SRRM4: variants seen among roughly 807,000 people sequenced by gnomAD.
SRRM4 encodes serine/arginine repetitive matrix protein 4.
A neutral mutation model predicts 68.9 loss-of-function variants in SRRM4; 33 were observed. That is an observed-to-expected ratio of 0.48 (90% CI 0.36 to 0.64). The LOEUF is 0.64. SRRM4 is among the 30% of genes least tolerant of loss of function. SRRM4 has a pLI of 0.00. For missense variants in SRRM4, 817 were observed against 827.1 expected (o/e 0.99, Z 0.15); for synonymous variants, 318 against 318.8 (o/e 1.00, Z 0.03).
intron 7 of SRRM4, among the ~76,000 whole-genome samples, chr12:119,127,099 A>T (rs1178618403): frequency 1.3e-5 from 2 of 148,808 alleles, no homozygotes; most frequent in African/African-American, 2.5e-5. Flanking sequence ...TGGGAGATAT[A>T]CCTAATGCTA....
chr12:119,114,473 G>A, intron 3 of SRRM4, 109 bp downstream of exon 3: 2 of 788,262 alleles, frequency 2.5e-6, no homozygotes, highest in Non-Finnish European at 4.2e-6. Flanking sequence ...CCTCTCTGAT[G>A]CTTAACTAGC....
chr12:119,118,951 A>G (rs535195833), intron 4 of SRRM4, among the ~76,000 whole-genome samples: 114 of 152,044 alleles, frequency 7.5e-4, no homozygotes, highest in African/African-American at 2.5e-3. Flanking sequence ...CCCGAGCACC[A>G]TCCTACTCCT....
chr12:119,122,162 G>A, intron 6 of SRRM4, 42 bp downstream of exon 6: 2 of 1,398,282 alleles, frequency 1.4e-6, no homozygotes, highest in Non-Finnish European at 1.0e-6. Context: ...AGTTTGAGGA[G>A]TTGGGGCATC....
chr12:119,015,022 A>C (rs934247497), intron 1 of SRRM4, among the ~76,000 whole-genome samples: 10 of 152,202 alleles, frequency 6.6e-5, no homozygotes, highest in African/African-American at 2.4e-4. Flanking sequence ...GGAATTAATA[A>C]ATACTCGATT....
chr12:119,043,282 C>A (rs578099275), intron 1 of SRRM4, among the ~76,000 whole-genome samples: 1 of 152,090 alleles, frequency 6.6e-6, no homozygotes, highest in Non-Finnish European at 1.5e-5. Flanking sequence ...AGCAAACTCA[C>A]GCAAGAACAG....
intron 1 of SRRM4, among the ~76,000 whole-genome samples, chr12:119,026,321 CA>C (rs768806188): frequency 3.3e-5 from 5 of 151,906 alleles, no homozygotes; most frequent in South Asian, 4.1e-4. Flanking sequence ...GACAGGATCA[CA>C]TAGAGAAATG....
At chr12:119,137,594 GAGAGAGAGAGA>G (rs1954337953) in intron 8 of SRRM4, among the ~76,000 whole-genome samples, 11 of 10,758 alleles carry the variant, frequency 1.0e-3, no homozygotes, top group Non-Finnish European at 3.5e-4. Flanking sequence ...AGTGGAGAGA[GAGAGAGAGAGA>G]GAGAGAGAGA....
At chr12:119,100,794 G>A (rs1954073596) in intron 1 of SRRM4, among the ~76,000 whole-genome samples, 1 of 152,198 alleles carries the variant, frequency 6.6e-6, no homozygotes, top group South Asian at 2.1e-4. Flanking sequence ...TAAATGGGCA[G>A]AAGTAAAGAC....
intron 1 of SRRM4, among the ~76,000 whole-genome samples, chr12:119,085,921 G>A (rs574549928): frequency 6.6e-6 from 1 of 152,236 alleles, no homozygotes; most frequent in East Asian, 1.9e-4. Flanking sequence ...AGAGCTAGAG[G>A]ACACTTTGTA....
chr12:119,092,212 G>A (rs148785601), intron 1 of SRRM4, among the ~76,000 whole-genome samples: 155 of 152,188 alleles, frequency 1.0e-3, no homozygotes, highest in African/African-American at 3.4e-3. Context: ...CCTTAATCTA[G>A]TTAGTTACTA....
At chr12:118,990,703 C>T (rs759254993) in intron 1 of SRRM4, among the ~76,000 whole-genome samples, 10 of 152,218 alleles carry the variant, frequency 6.6e-5, no homozygotes, top group Non-Finnish European at 1.3e-4. Context: ...TTCCTTGCCC[C>T]TCTTATCCAT....
intron 1 of SRRM4, among the ~76,000 whole-genome samples, chr12:119,024,622 C>G (rs1953536430): frequency 6.6e-6 from 1 of 152,182 alleles, no homozygotes; most frequent in African/African-American, 2.4e-5. Flanking sequence ...ATCTTTTAAT[C>G]CAGGTTTCTC....
chr12:119,083,673 T>C (rs973767202), intron 1 of SRRM4, among the ~76,000 whole-genome samples: 2 of 152,192 alleles, frequency 1.3e-5, no homozygotes, highest in Non-Finnish European at 2.9e-5. Flanking sequence ...TATAAGGGAA[T>C]GGTCCCATTC....
chr12:119,045,623 G>A (rs1953702331), intron 1 of SRRM4, among the ~76,000 whole-genome samples: 1 of 152,196 alleles, frequency 6.6e-6, no homozygotes, highest in African/African-American at 2.4e-5. Context: ...GCCGATTCCA[G>A]GGACCTGTAA....
chr12:119,083,180 G>A (rs1226698250), intron 1 of SRRM4, among the ~76,000 whole-genome samples: 1 of 151,920 alleles, frequency 6.6e-6, no homozygotes, highest in Non-Finnish European at 1.5e-5. Context: ...TCACTGACCT[G>A]CCCATTTCCC....
chr12:119,100,118 T>C (rs560559132), intron 1 of SRRM4, among the ~76,000 whole-genome samples: 1 of 152,236 alleles, frequency 6.6e-6, no homozygotes, highest in East Asian at 1.9e-4. Context: ...CAGGAAGGAC[T>C]TCTCTGATTA....
At chr12:119,130,409 A>ACG (rs1954289159) in intron 7 of SRRM4, among the ~76,000 whole-genome samples, 1 of 142,422 alleles carries the variant, frequency 7.0e-6, no homozygotes, top group Non-Finnish European at 1.5e-5. Context: ...TTGCTTAGAC[A>ACG]GATGGATGGA....
At chr12:119,079,061 G>A (rs1953932780) in intron 1 of SRRM4, among the ~76,000 whole-genome samples, 1 of 152,232 alleles carries the variant, frequency 6.6e-6, no homozygotes, top group Non-Finnish European at 1.5e-5. Flanking sequence ...ACCCAGCCAG[G>A]TGAGGGGGTG....
chr12:119,127,144 G>T (rs1954266501), intron 7 of SRRM4, among the ~76,000 whole-genome samples: 1 of 150,750 alleles, frequency 6.6e-6, no homozygotes, highest in Non-Finnish European at 1.5e-5. Context: ...CACCAGCATG[G>T]CACATGTATA....
Sources: allele counts gnomAD v4.1 joint callset (sites outside exome capture counted in the v4.1 genomes callset), GRCh38; gene constraint gnomAD v4.1.1; transcripts MANE v1.5; gene names NCBI Gene and HGNC (gene_info 2026-07-23, HGNC 2026-07-21).